Variants in DNAH10 observed in about 807,000 individuals in gnomAD.
DNAH10 encodes axonemal beta dynein heavy chain 10.
A neutral mutation model predicts 506.6 loss-of-function variants in DNAH10; 348 were observed. The observed-to-expected ratio is 0.69, with a 90% CI of 0.63 to 0.75. DNAH10 has a LOEUF of 0.75. DNAH10 is among the 30% of genes least tolerant of loss of function. The pLI is 0.00. For missense variants in DNAH10, 5,179 were observed against 5,787.1 expected (o/e 0.89, Z 3.41); for synonymous variants, 2,059 against 2,198.6 (o/e 0.94, Z 1.78).
rs996552301 is a variant in DNAH10 at position 123,909,257 on chromosome 12, C to A, written c.9816-4C>A. 6.2e-6 allele frequency: 10 copies of A among 1,611,978 alleles called. No individual in the cohort carries two copies. Among genetic ancestry groups the A allele is most frequent in the Admixed American group, 3.3e-5 (2 of 59,776 alleles). ...GTGACCCACGTGCCTTGGTTTCTTG[C>A]CAGGTCGTTTGCTAAGCCCCCGAAG... On this transcript the variant is annotated splice_region_variant and splice_polypyrimidine_tract_variant and intron_variant, in intron 57 of 78. Coordinates refer to ENST00000673944, the MANE Select transcript of DNAH10 (RefSeq NM_001372106.1). The surrounding 1 kb of genome is among the most constrained non-coding windows in gnomAD (Gnocchi z 5.4).
Position 123,916,370 on chromosome 12 carries a change from T to C in DNAH10, c.10723-87T>C, listed in dbSNP as rs2137516144. ...CCCTCCAAGTTCCTGGCCCATCCAC[T>C]TCCCACTTCCAAGCCATTCTCCCCT... On this transcript the variant is annotated intron_variant, in intron 62 of 78. Transcript: ENST00000673944. The surrounding 1 kb of genome is among the most constrained non-coding windows in gnomAD (Gnocchi z 4.6). 3.3e-6 allele frequency: 5 copies of C among 1,519,160 alleles called. No homozygotes were observed. Among genetic ancestry groups the C allele is most frequent in the Non-Finnish European group, 4.4e-6 (5 of 1,134,176 alleles). 94.1% of individuals were successfully genotyped at this position (1,519,160 alleles called of 1,614,324 possible). A position where few individuals can be genotyped will look rare whatever the true frequency, so the allele number is the denominator to read the frequency against.
At chr12:123,867,370 A>G (rs1176102194) in intron 41 of DNAH10, 97 bp from the exon 42 acceptor site, 1 of 1,305,266 alleles carries the variant, frequency 7.7e-7, no homozygotes, top group Non-Finnish European at 1.0e-6. Flanking sequence ...TCATCAGAAG[A>G]TGTTGCTCAA....
chr12:123,893,579 G>A, intron 53 of DNAH10, 143 bp downstream of exon 53: 1 of 919,842 alleles, frequency 1.1e-6, no homozygotes, highest in South Asian at 1.6e-5. Context: ...CTGCACTGTA[G>A]CTTGGGGCTC....
chr12:123,878,958 C>T (rs1381124584), intron 48 of DNAH10, among the ~76,000 whole-genome samples: 1 of 152,170 alleles, frequency 6.6e-6, no homozygotes, highest in Non-Finnish European at 1.5e-5. Context: ...ATTTTAAATT[C>T]ATGTATTCCA....
chr12:123,917,671 T>C lies in DNAH10; in HGVS notation c.11090T>C (p.Ile3697Thr). ...CTGGAGGAGCAGCGGGAGCACCTCA[T>C]CCAGGAGACCAGCGAGAACAAGAAC... The part of the protein sequence containing the change: ...RELEEQREHL[I>T]QETSENKNLL... The change falls in exon 64 of 79, where the codon ATC (isoleucine) becomes ACC (threonine). Residue 3697 changes from isoleucine to threonine, a missense_variant. By Grantham distance (89) the Ile-to-Thr change is moderately conservative. This residue lies in a region of DNAH10 where 4,844 missense variants were observed against 5,430.5 expected (regional missense o/e 0.89). Transcript: ENST00000673944. The surrounding 1 kb of genome is among the most constrained non-coding windows in gnomAD (Gnocchi z 5.6). 1 of 1,552,238 alleles carries C rather than the reference T, an allele frequency of 6.4e-7. No individual in the cohort carries two copies. Among genetic ancestry groups the C allele is most frequent in the Non-Finnish European group, 8.7e-7 (1 of 1,147,432 alleles).
At chr12:123,934,128 ACTCT>A (rs1955357000) in intron 77 of DNAH10, 1 of 636,458 alleles carries the variant, frequency 1.6e-6, no homozygotes, top group South Asian at 1.7e-5. Context: ...CCGGGCCACC[ACTCT>A]CTCTGGGGCC....
chr12:123,898,913 G>C, intron 56 of DNAH10, 99 bp downstream of exon 56: 1 of 1,437,532 alleles, frequency 7.0e-7, no homozygotes, highest in African/African-American at 1.4e-5. Context: ...GAGCAGGACA[G>C]GGCTCTGCCA....
In DNAH10 at chr12:123,820,688, CAGAG is replaced by C. The variant is rs1413448907; in HGVS notation, c.4110_4113del (p.Glu1371CysfsTer2). 1.2e-6 allele frequency: 2 copies of C among 1,613,838 alleles called. No homozygotes were observed. Among genetic ancestry groups the C allele is most frequent in the Non-Finnish European group, 1.7e-6 (2 of 1,179,890 alleles). On this transcript the variant is annotated frameshift_variant, in exon 24 of 79. Transcript: ENST00000673944. LOFTEE classifies it high-confidence loss of function. ...TTCGATCTTCCTATTACAATGTACC[CAGAG>C]CTGCTGAAAGTGCAGAAGGAAATGA...
chr12:123,841,401 A>G lies in DNAH10; in HGVS notation c.5216A>G (p.Glu1739Gly). 6.2e-7 allele frequency: 1 copy of G among 1,614,032 alleles called. No individual in the cohort carries two copies. Among genetic ancestry groups the G allele is most frequent in the South Asian group, 1.1e-5 (1 of 91,086 alleles). The change falls in exon 30 of 79, where the codon GAA becomes GGA. Residue 1739 changes from glutamate to glycine, a missense_variant. By Grantham distance (98) the Glu-to-Gly change is moderately conservative (BLOSUM62 -2). Around this residue, in one of 3 missense-constraint regions of DNAH10, gnomAD observed 4,844 missense variants for 5,430.5 expected, o/e 0.89. Transcript: ENST00000673944. ...CTGGTGTCCGCGATGATTTCAGCAG[A>G]AGGAGAAGTCATGGAGTTTCGGAAG... ...EKLVSAMISA[E>G]GEVMEFRKIL...
At position 123,928,740 on chromosome 12, in the gene DNAH10, T is replaced by C; in HGVS notation, c.12306+153T>C. On this transcript the variant is annotated intron_variant, in intron 70 of 78. Coordinates refer to ENST00000673944, the MANE Select transcript of DNAH10 (RefSeq NM_001372106.1). The surrounding 1 kb of genome is among the most constrained non-coding windows in gnomAD (Gnocchi z 4.9). ...GGTTGAAACCCTTCTCAATCCCACC[T>C]CTCTCTTTAGAGGGAGCCGCTGTCC... The C allele has an allele frequency of 3.4e-6, 3 of 879,274 alleles. No homozygotes were observed. The South Asian group carries it at 5.3e-5, about 16-fold the overall frequency. The allele number at this position is 879,274 out of a possible 1,614,324, so 54.5% of individuals were successfully genotyped here. A position where few individuals can be genotyped will look rare whatever the true frequency, so the allele number is the denominator to read the frequency against.
chr12:123,846,256 G>A lies in DNAH10; in HGVS notation c.5814+102G>A, dbSNP rs769072440. The A allele has an allele frequency of 1.9e-5, 25 of 1,349,378 alleles. No homozygotes were observed. The highest frequency in any genetic ancestry group is 2.5e-5 in the Non-Finnish European group (25 of 1,009,326). 83.6% of individuals were successfully genotyped at this position (1,349,378 alleles called of 1,614,324 possible). A position where few individuals can be genotyped will look rare whatever the true frequency, so the allele number is the denominator to read the frequency against. On this transcript the variant is annotated intron_variant, in intron 32 of 78. Coordinates refer to ENST00000673944, the MANE Select transcript of DNAH10 (RefSeq NM_001372106.1). The surrounding 1 kb of genome is among the most constrained non-coding windows in gnomAD (Gnocchi z 4.5). The stretch of plus-strand genomic sequence containing the variant: ...CTGCAGTGATTGAAATAGCAGGGGA[G>A]ATCATTGCTTTGAAATCTCGAAAAG...
At chr12:123,929,591 T>C in intron 71 of DNAH10, 73 bp from the exon 72 acceptor site, 2 of 1,573,666 alleles carry the variant, frequency 1.3e-6, no homozygotes, top group South Asian at 2.3e-5. Flanking sequence ...CCCAGCAGCC[T>C]TTTCAGAAAA....
intron 50 of DNAH10, among the ~76,000 whole-genome samples, chr12:123,881,175 A>G (rs1566039271): frequency 1.3e-5 from 2 of 152,102 alleles, no homozygotes; most frequent in Non-Finnish European, 2.9e-5. Flanking sequence ...CAGTAACGGG[A>G]TGGCTGGGTC....
In DNAH10 at chr12:123,813,493, A is replaced by G. The variant is rs760054978; in HGVS notation, c.3474A>G (p.Leu1158=). Reference sequence around the variant, plus strand: ...CTTATGAGGTTATGCGCCACCCTCTAATTAAGGATGAGCATTGCATCAGAC... The same window carrying G: ...CTTATGAGGTTATGCGCCACCCTCTGATTAAGGATGAGCATTGCATCAGAC... ...KIAYEVMRHP[L]IKDEHCIRLQ... Residue 1158 remains leucine (L), a synonymous_variant, in exon 20 of 79, where the codon CTA becomes CTG. Transcript: ENST00000673944. 6.8e-6 allele frequency: 11 copies of G among 1,614,076 alleles called. No individual in the cohort carries two copies. The East Asian group carries it at 2.2e-4, about 33-fold the overall frequency.
intron 52 of DNAH10, among the ~76,000 whole-genome samples, chr12:123,889,756 C>T (rs755643657): frequency 6.6e-6 from 1 of 152,142 alleles, no homozygotes; most frequent in Non-Finnish European, 1.5e-5. Context: ...TTCCCCTATG[C>T]GCCTGGAGGT....
At chr12:123,839,215 TAAA>T (rs575224560) in intron 29 of DNAH10, among the ~76,000 whole-genome samples, 12 of 126,928 alleles carry the variant, frequency 9.5e-5, no homozygotes, top group African/African-American at 3.5e-4. Flanking sequence ...TTTTATAAAC[TAAA>T]AAAAAAAAAA....
intron 5 of DNAH10, among the ~76,000 whole-genome samples, chr12:123,778,238 C>A (rs2136005593): frequency 6.6e-6 from 1 of 151,200 alleles, no homozygotes; most frequent in East Asian, 2.0e-4. Flanking sequence ...AAGATGACAT[C>A]AAAACATGAT....
At position 123,928,912 on chromosome 12, in the gene DNAH10, G is replaced by A. The variant is rs758281550; in HGVS notation, c.12306+325G>A. 4.5e-5 allele frequency: 21 copies of A among 467,880 alleles called. No individual in the cohort carries two copies. The highest frequency in any genetic ancestry group is 1.6e-4 in the Admixed American group (4 of 25,792). The allele number at this position is 467,880 out of a possible 1,614,324, so 29.0% of individuals were successfully genotyped here. A position where few individuals can be genotyped will look rare whatever the true frequency, so the allele number is the denominator to read the frequency against. On this transcript the variant is annotated intron_variant, in intron 70 of 78. Coordinates refer to ENST00000673944, the MANE Select transcript of DNAH10 (RefSeq NM_001372106.1). The surrounding 1 kb of genome is among the most constrained non-coding windows in gnomAD (Gnocchi z 4.9). ...CTAGTGCTGACTGCAGGAGTTTCGC[G>A]TGGTTTACATGCCCCATTTAATTTA...
In DNAH10 at chr12:123,925,656, C is replaced by T. The variant is rs551337127; in HGVS notation, c.11921+452C>T. ...TAAGTGCTGTGCCTCACGGCCATCG[C>T]ACTGGACAATGTAGCTCTAGCATGG... On this transcript the variant is annotated intron_variant, in intron 68 of 78. Coordinates refer to ENST00000673944, the MANE Select transcript of DNAH10 (RefSeq NM_001372106.1). This position sits in a 1 kb window ranked among gnomAD's most constrained non-coding sequence, Gnocchi z 4.0. 1.5e-4 allele frequency: 25 copies of T among 165,166 alleles called. No individual in the cohort carries two copies. Among genetic ancestry groups the T allele is most frequent in the Non-Finnish European group, 3.0e-4 (23 of 76,188 alleles). The allele number at this position is 165,166 out of a possible 1,614,324, so 10.2% of individuals were successfully genotyped here. A position where few individuals can be genotyped will look rare whatever the true frequency, so the allele number is the denominator to read the frequency against.
Sources: allele counts gnomAD v4.1 joint callset (sites outside exome capture counted in the v4.1 genomes callset), GRCh38; gene constraint gnomAD v4.1.1; regional missense constraint gnomAD v4.1.1; non-coding constraint Gnocchi (gnomAD v3.1); transcripts MANE v1.5; gene names NCBI Gene and HGNC (gene_info 2026-07-23, HGNC 2026-07-21).